The following TRPC7 variants were observed in gnomAD, a reference collection of about 807,000 sequenced individuals.
The protein encoded by TRPC7 is transient receptor potential cation channel subfamily C member 7, also known as short transient receptor potential channel 7.
TRPC7 carries 42 observed loss-of-function variants against 90.1 expected under a neutral mutation model. The ratio of observed to expected loss-of-function variants is 0.47; its 90% CI spans 0.36 to 0.60. TRPC7 has a LOEUF of 0.60. Ranked by LOEUF, TRPC7 falls within the 20% of genes least tolerant of loss-of-function variation. The pLI is 0.00. For synonymous variants in TRPC7, 451 were observed against 436.3 expected (o/e 1.03, Z -0.42); for missense variants, 955 against 1,112.3 (o/e 0.86, Z 2.01).
intron 5 of TRPC7, among the ~76,000 whole-genome samples, chr5:136,254,370 A>C (rs1756621413): frequency 6.6e-6 from 1 of 152,106 alleles, no homozygotes; most frequent in African/African-American, 2.4e-5. Context: ...CTTGTTAGGG[A>C]CTACTGCGGC....
intron 2 of TRPC7, among the ~76,000 whole-genome samples, chr5:136,355,673 C>T (rs1039826786): frequency 3.3e-5 from 5 of 152,168 alleles, no homozygotes; most frequent in African/African-American, 1.2e-4. Context: ...TGGTGGGCAC[C>T]TGTAGTCCCA....
chr5:136,292,646 T>C (rs1164518982), intron 3 of TRPC7, among the ~76,000 whole-genome samples: 2 of 152,282 alleles, frequency 1.3e-5, no homozygotes, highest in East Asian at 1.9e-4. Context: ...ATTGAGGCAA[T>C]AATTAATAGC....
Position 136,251,630 on chromosome 5 carries a change from G to A in TRPC7, c.1579+19C>T. 6.4e-7 allele frequency: 1 copy of A among 1,571,224 alleles called. No individual in the cohort carries two copies. Among genetic ancestry groups the A allele is most frequent in the Non-Finnish European group, 8.7e-7 (1 of 1,151,348 alleles). On this transcript the variant is annotated intron_variant, in intron 6 of 11. Transcript: ENST00000513104. ...CCGGAAGCGCCAAAATGGAGTAGGG[G>A]AAGCACTCTCCGACTCACCGTAGGT... is the stretch of plus-strand genomic sequence containing the variant.
At chr5:136,362,767 G>GT (rs1335359875) in intron 1 of TRPC7, among the ~76,000 whole-genome samples, 2 of 151,946 alleles carry the variant, frequency 1.3e-5, no homozygotes, top group African/African-American at 2.4e-5. Flanking sequence ...GTTTTGTTTT[G>GT]TTTTTTGTTT....
intron 2 of TRPC7, among the ~76,000 whole-genome samples, chr5:136,330,135 G>C (rs1759457491): frequency 6.6e-6 from 1 of 152,206 alleles, no homozygotes; most frequent in Admixed American, 6.5e-5. Flanking sequence ...CATGGAAGCA[G>C]TCCCACCTGT....
At chr5:136,290,428 A>G (rs913528806) in intron 3 of TRPC7, among the ~76,000 whole-genome samples, 17 of 152,240 alleles carry the variant, frequency 1.1e-4, no homozygotes, top group African/African-American at 3.9e-4. Context: ...AGAATAACCA[A>G]TGCAGAGAAG....
In TRPC7 at chr5:136,315,619, G is replaced by A. The variant is rs749177087; in HGVS notation, c.941C>T (p.Ala314Val). 1.2e-6 allele frequency: 2 copies of A among 1,613,832 alleles called. No homozygotes were observed. The highest frequency in any genetic ancestry group is 1.1e-5 in the South Asian group (1 of 91,050). The change falls in exon 3 of 12, where the codon GCC becomes GTC. Residue 314 changes from alanine (A) to valine (V), a missense_variant. Physicochemically the swap from Ala to Val is moderately conservative, Grantham distance 64. Transcript: ENST00000513104. The part of the protein sequence containing the change: ...HRPSLSRIKL[A>V]IKYEVKKFVA... ...TACCTTCTTGACTTCATATTTAATG[G>A]CGAGTTTGATCCGGCTCAGACTTGG...
At chr5:136,291,143 T>A (rs9688174) in intron 3 of TRPC7, among the ~76,000 whole-genome samples, 97,469 of 152,026 alleles carry the variant, frequency 0.64, 32,023 homozygotes, top group African/African-American at 0.8. Flanking sequence ...TGAAAGAAGC[T>A]CTAAACATGG....
intron 3 of TRPC7, among the ~76,000 whole-genome samples, chr5:136,294,213 T>C (rs2149826601): frequency 6.6e-6 from 1 of 152,288 alleles, no homozygotes; most frequent in Admixed American, 6.5e-5. Context: ...GGCAATACCA[T>C]TCAGGACATA....
intron 7 of TRPC7, among the ~76,000 whole-genome samples, chr5:136,236,947 C>A (rs561914681): frequency 2.0e-5 from 3 of 152,260 alleles, no homozygotes; most frequent in African/African-American, 7.2e-5. Flanking sequence ...GGCTGTTTCC[C>A]AAGCTCAGCG....
At chr5:136,302,325 C>T (rs1327694201) in intron 3 of TRPC7, among the ~76,000 whole-genome samples, 1 of 152,058 alleles carries the variant, frequency 6.6e-6, no homozygotes, top group Non-Finnish European at 1.5e-5. Context: ...ACCCCTCAAT[C>T]CCTTCTTCAC....
intron 9 of TRPC7, 99 bp downstream of exon 9, chr5:136,225,935 A>G (rs1051442246): frequency 1.0e-5 from 10 of 998,624 alleles, no homozygotes; most frequent in African/African-American, 1.7e-5. Context: ...CTCCCCTTGC[A>G]TGGGGTGGGG....
chr5:136,251,312 T>G (rs1271650506), intron 6 of TRPC7, among the ~76,000 whole-genome samples: 1 of 152,218 alleles, frequency 6.6e-6, no homozygotes, highest in East Asian at 1.9e-4. Context: ...CGCTCCTGGA[T>G]GCACATCAGA....
intron 1 of TRPC7, among the ~76,000 whole-genome samples, chr5:136,362,009 A>G (rs1760583649): frequency 6.6e-6 from 1 of 152,166 alleles, no homozygotes; most frequent in African/African-American, 2.4e-5. Context: ...ATAATGATCA[A>G]AATCTTACCT....
chr5:136,226,570 C>T, intron 8 of TRPC7: 1 of 360,314 alleles, frequency 2.8e-6, no homozygotes, highest in Non-Finnish European at 5.0e-6. Flanking sequence ...ACTTTTCTCA[C>T]TGCCACTTAA....
chr5:136,273,203 G>A (rs1757259947), intron 4 of TRPC7, among the ~76,000 whole-genome samples: 1 of 152,084 alleles, frequency 6.6e-6, no homozygotes, highest in Non-Finnish European at 1.5e-5. Context: ...ACTCACTGGG[G>A]CTCTGGGTGA....
At chr5:136,355,977 T>C (rs1760358404) in intron 2 of TRPC7, among the ~76,000 whole-genome samples, 1 of 152,190 alleles carries the variant, frequency 6.6e-6, no homozygotes. Context: ...GTCAAGGTGT[T>C]CTCAGAGTGA....
intron 2 of TRPC7, among the ~76,000 whole-genome samples, chr5:136,347,181 T>A (rs948978501): frequency 6.6e-6 from 1 of 152,196 alleles, no homozygotes; most frequent in Non-Finnish European, 1.5e-5. Flanking sequence ...TAGCCCTCAG[T>A]ACTGTGAGAG....
Position 136,249,067 on chromosome 5 carries a change from C to T in TRPC7, c.1580-1332G>A, listed in dbSNP as rs147577450. ...AAACCTAAATTAGCACTTACACTTACATTAGCTGTAATTTTCACAACAGCC... is the reference window on the plus strand; with the variant it reads ...AAACCTAAATTAGCACTTACACTTATATTAGCTGTAATTTTCACAACAGCC... On this transcript the variant is annotated intron_variant, in intron 6 of 11. Transcript: ENST00000513104. Among the ~76,000 whole-genome samples the T allele has an allele frequency of 4.9e-3, 744 of 152,270 alleles. 7 individuals carry two copies. Among genetic ancestry groups the T allele is most frequent in the African/African-American group, 0.017 (699 of 41,568 alleles).
Sources: allele counts gnomAD v4.1 joint callset (sites outside exome capture counted in the v4.1 genomes callset), GRCh38; gene constraint gnomAD v4.1.1; transcripts MANE v1.5; gene names NCBI Gene and HGNC (gene_info 2026-07-23, HGNC 2026-07-21).